The following GPR143 variants were observed in gnomAD, a reference collection of about 807,000 sequenced individuals.
GPR143 encodes the protein G-protein coupled receptor 143.
A neutral mutation model predicts 27.6 loss-of-function variants in GPR143; 8 were observed. That is an observed-to-expected ratio of 0.29 (90% CI 0.17 to 0.52). The LOEUF is 0.52. GPR143 is among the 20% of genes least tolerant of loss of function. The probability of loss-of-function intolerance (pLI) is 0.96; values close to 1 mark genes in which losing one functional copy is unlikely to be tolerated. For missense variants in GPR143, 303 were observed against 343.1 expected, an observed-to-expected ratio of 0.88 and a Z score of 0.92; for synonymous variants, 156 against 153.2, an observed-to-expected ratio of 1.02 and a Z score of -0.13.
chrX:9,769,446 G>A (rs990574532), upstream of GPR143, among the ~76,000 whole-genome samples: 1 of 112,135 alleles, frequency 8.9e-6, no homozygotes, highest in Non-Finnish European at 1.9e-5. Context: ...TCAACCAAAA[G>A]AATGGGGTTT....
intron 1 of GPR143, among the ~76,000 whole-genome samples, chrX:9,777,765 A>G (rs1386697803): frequency 9.6e-6 from 1 of 103,637 alleles, no homozygotes; most frequent in Non-Finnish European, 2.0e-5. Context: ...TTCCAGTCTG[A>G]GTAACATAGT....
chrX:9,753,997 G>C (rs1267919164), intron 3 of GPR143, among the ~76,000 whole-genome samples: 1 of 111,636 alleles, frequency 9.0e-6, no homozygotes, highest in East Asian at 2.8e-4. Context: ...GATGCCGCAG[G>C]AAGACTGAAG....
chrX:9,776,302 A>G (rs1231975752), intron 1 of GPR143, among the ~76,000 whole-genome samples: 1 of 112,308 alleles, frequency 8.9e-6, no homozygotes, highest in East Asian at 2.8e-4. Context: ...CTTTACCCCT[A>G]AGTCCTCGGG....
intron 8 of GPR143, among the ~76,000 whole-genome samples, chrX:9,732,356 G>C (rs144808943): frequency 9.0e-6 from 1 of 111,313 alleles, no homozygotes; most frequent in African/African-American, 3.3e-5. Context: ...AAGACAGACC[G>C]GTAAGAAACA....
At chrX:9,776,713 T>A (rs937281389) in intron 1 of GPR143, among the ~76,000 whole-genome samples, 4 of 108,343 alleles carry the variant, frequency 3.7e-5, no homozygotes, top group Admixed American at 9.9e-5. Flanking sequence ...TACTTAATTT[T>A]ATTTTATTTT....
chrX:9,740,192 G>A (rs1463909699), intron 7 of GPR143, among the ~76,000 whole-genome samples: 1 of 111,533 alleles, frequency 9.0e-6, no homozygotes, highest in African/African-American at 3.3e-5. Flanking sequence ...GTGCTGCCAA[G>A]GGAGCACTTG....
chrX:9,765,779 C>T lies in GPR143; in HGVS notation c.39G>A (p.Thr13=). 2.7e-6 allele frequency: 3 copies of T among 1,123,142 alleles called. No individual in the cohort carries two copies. Among genetic ancestry groups the T allele is most frequent in the South Asian group, 4.1e-5 (2 of 49,280 alleles). The allele number at this position is 1,123,142 out of a possible 1,213,427, so 92.6% of individuals were successfully genotyped here. Reference sequence around the variant, plus strand: ...GCACGAGCTGCGTGGCTGCGTCCCGCGTGGGGCAGCAGAAGGTCCCTAGGC... The same window carrying T: ...GCACGAGCTGCGTGGCTGCGTCCCGTGTGGGGCAGCAGAAGGTCCCTAGGC... ...SPRLGTFCCP[T]RDAATQLVLS... The change falls in exon 1 of 9, where the codon ACG becomes ACA. Residue 13 remains threonine (T), a synonymous_variant. Coordinates refer to ENST00000467482, the MANE Select transcript of GPR143 (RefSeq NM_000273.3).
In GPR143 at chrX:9,739,362, G is replaced by C. The variant is rs758434556; in HGVS notation, c.1120+123C>G. The C allele has an allele frequency of 2.5e-4, 128 of 516,973 alleles. No individual in the cohort carries two copies. The East Asian group carries it at 4.3e-3, about 17-fold the overall frequency. The allele number at this position is 516,973 out of a possible 1,213,427, so 42.6% of individuals were successfully genotyped here. A position where few individuals can be genotyped will look rare whatever the true frequency, so the allele number is the denominator to read the frequency against. On this transcript the variant is annotated intron_variant, in intron 8 of 8. Coordinates refer to ENST00000467482, the MANE Select transcript of GPR143 (RefSeq NM_000273.3). ...CAACTGGAAGCTAGTGAGTTCACAT[G>C]AGAGGTGCTGCTGAACACCCCGCCA...
chrX:9,741,256 C>T (rs1305925494), intron 7 of GPR143, 82 bp downstream of exon 7: 4 of 473,698 alleles, frequency 8.4e-6, no homozygotes, highest in Non-Finnish European at 1.5e-5. Flanking sequence ...GCTTTCCAGC[C>T]TGGGTGACAG....
intron 4 of GPR143, 87 bp from the exon 5 acceptor site, chrX:9,746,240 A>T: frequency 3.5e-6 from 2 of 570,121 alleles, no homozygotes; most frequent in Non-Finnish European, 6.3e-6. Context: ...AGATAAGAGG[A>T]TGAGAACAAA....
intron 3 of GPR143, among the ~76,000 whole-genome samples, chrX:9,750,265 A>G (rs1015033922): frequency 1.1e-4 from 12 of 111,755 alleles, no homozygotes; most frequent in Non-Finnish European, 1.9e-4. Flanking sequence ...GCTGGAGTCC[A>G]GTGATGCAAT....
chrX:9,764,954 G>A (rs764043287), intron 1 of GPR143, among the ~76,000 whole-genome samples: 3 of 108,097 alleles, frequency 2.8e-5, no homozygotes, highest in Non-Finnish European at 5.8e-5. Flanking sequence ...AACCCGGGAG[G>A]TGGAGGTTGC....
chrX:9,731,733 T>G (rs751703354), intron 8 of GPR143, among the ~76,000 whole-genome samples: 224 of 99,257 alleles, frequency 2.3e-3, no homozygotes, highest in Middle Eastern at 0.012. Flanking sequence ...CAGAGATTTG[T>G]GAGAGAGAAC....
At chrX:9,773,522 C>T (rs944075974) in intron 1 of GPR143, among the ~76,000 whole-genome samples, 3 of 110,762 alleles carry the variant, frequency 2.7e-5, no homozygotes, top group East Asian at 2.8e-4. Flanking sequence ...TAAACACACA[C>T]GCACACACAT....
chrX:9,778,396 A>T (rs756913855), intron 1 of GPR143, among the ~76,000 whole-genome samples: 6 of 102,416 alleles, frequency 5.9e-5, no homozygotes, highest in Non-Finnish European at 1.0e-4. Context: ...TGCAGTGCTG[A>T]CACCAAGCAC....
intron 4 of GPR143, chrX:9,747,716 A>G (rs1161121566): frequency 8.9e-6 from 1 of 112,147 alleles, no homozygotes; most frequent in Non-Finnish European, 1.9e-5. Context: ...AAAAGAACAG[A>G]TAGTAAATAT....
intron 8 of GPR143, among the ~76,000 whole-genome samples, chrX:9,728,368 C>T (rs1314731989): frequency 3.0e-5 from 3 of 101,399 alleles, no homozygotes; most frequent in African/African-American, 1.1e-4. Context: ...AAAAGAGATA[C>T]ATGCAGAGTT....
chrX:9,749,231 C>G (rs899394974), intron 3 of GPR143, among the ~76,000 whole-genome samples: 8 of 98,995 alleles, frequency 8.1e-5, no homozygotes, highest in Non-Finnish European at 1.4e-4. Flanking sequence ...TTCCCTCCCC[C>G]CCCAACCCCC....
chrX:9,742,108 T>G (rs1167327620), intron 6 of GPR143, among the ~76,000 whole-genome samples: 1 of 111,985 alleles, frequency 8.9e-6, no homozygotes, highest in Non-Finnish European at 1.9e-5. Context: ...TTCATGGAGA[T>G]CAAAACAATT....
Sources: allele counts gnomAD v4.1 joint callset (sites outside exome capture counted in the v4.1 genomes callset), GRCh38; gene constraint gnomAD v4.1.1; transcripts MANE v1.5; gene names NCBI Gene and HGNC (gene_info 2026-07-23, HGNC 2026-07-21).